NPAS3: variants seen among roughly 807,000 people sequenced by gnomAD.
NPAS3 encodes neuronal PAS domain-containing protein 3.
Under a neutral mutation model 73.1 loss-of-function variants are expected in NPAS3, and 14 were observed. The observed-to-expected ratio is 0.19, with a 90% CI of 0.13 to 0.30. NPAS3 has a LOEUF of 0.30. Ranked by LOEUF, NPAS3 falls within the 10% of genes least tolerant of loss-of-function variation. NPAS3 has a pLI of 1.00. For missense variants in NPAS3, 1,096 were observed against 1,250.0 expected (o/e 0.88, Z 1.86); for synonymous variants, 620 against 541.5 (o/e 1.14, Z -2.01).
chr14:33,377,328 A>G (rs894764819), intron 4 of NPAS3, among the ~76,000 whole-genome samples: 2 of 152,230 alleles, frequency 1.3e-5, no homozygotes, highest in Non-Finnish European at 2.9e-5. Flanking sequence ...TACTCTCCTT[A>G]TCTTATTACG....
intron 3 of NPAS3, among the ~76,000 whole-genome samples, chr14:33,276,561 C>G (rs1594577895): frequency 6.6e-6 from 1 of 151,934 alleles, no homozygotes; most frequent in African/African-American, 2.4e-5. Context: ...GGGATAAATC[C>G]CAAGTTTACC....
chr14:33,722,162 G>A lies in NPAS3; in HGVS notation c.734-13052G>A, dbSNP rs552511154. On this transcript the variant is annotated intron_variant, in intron 6 of 11. Coordinates refer to ENST00000356141, the Ensembl canonical transcript of NPAS3. ...CCCAGAAGCCATCCAACATAACATC[G>A]AAGTGTTCATGGTAAAAACATCAAG... Among the ~76,000 whole-genome samples the A allele has an allele frequency of 8.5e-5, 13 of 152,226 alleles. No individual in the cohort carries two copies. In the South Asian group the frequency reaches 2.1e-3, roughly 24 times the overall value.
intron 2 of NPAS3, among the ~76,000 whole-genome samples, chr14:33,103,448 T>C (rs2042635146): frequency 6.6e-6 from 1 of 152,206 alleles, no homozygotes; most frequent in African/African-American, 2.4e-5. Context: ...TGAGCTGAAT[T>C]TATTCTACAT....
At chr14:33,209,546 C>T (rs2046954121) in intron 2 of NPAS3, among the ~76,000 whole-genome samples, 1 of 152,208 alleles carries the variant, frequency 6.6e-6, no homozygotes, top group African/African-American at 2.4e-5. Flanking sequence ...TTCAAAGGTT[C>T]ATGAGTTAAA....
At chr14:33,715,904 A>G (rs933809971) in intron 6 of NPAS3, among the ~76,000 whole-genome samples, 4 of 152,098 alleles carry the variant, frequency 2.6e-5, no homozygotes, top group African/African-American at 9.7e-5. Flanking sequence ...TCCACTGTGC[A>G]TGTTCTTTTG....
At chr14:33,539,440 A>G (rs1036007563) in intron 4 of NPAS3, among the ~76,000 whole-genome samples, 18 of 152,104 alleles carry the variant, frequency 1.2e-4, no homozygotes, top group African/African-American at 2.9e-4. Flanking sequence ...GTCTTAGACA[A>G]GTTACATTTA....
intron 3 of NPAS3, among the ~76,000 whole-genome samples, chr14:33,307,598 T>TGTGTGTGTGTGTGTGTGTG (rs2042807846): frequency 6.6e-6 from 1 of 151,526 alleles, no homozygotes. Context: ...TTTCAATGTG[T>TGTGTGTGTGTGTGTGTGTG]GTGTGTGTGT....
intron 2 of NPAS3, among the ~76,000 whole-genome samples, chr14:33,179,970 T>C (rs1420561134): frequency 1.3e-5 from 2 of 152,216 alleles, no homozygotes; most frequent in Non-Finnish European, 2.9e-5. Context: ...CGATAAGATA[T>C]TCTGCCAAGC....
chr14:32,984,218 G>A (rs17099805), intron 1 of NPAS3, among the ~76,000 whole-genome samples: 28,001 of 152,128 alleles, frequency 0.18, 3,278 homozygotes, highest in African/African-American at 0.33. Flanking sequence ...ATTTTGTTTG[G>A]TTTTAATCCC....
Position 32,946,153 on chromosome 14 carries a change from C to T in NPAS3, c.50+6787C>T, listed in dbSNP as rs17099733. 3.1e-3 allele frequency among the ~76,000 whole-genome samples: 474 copies of T among 152,274 alleles called. 14 individuals are homozygous for T. The East Asian group carries it at 0.085, about 27-fold the overall frequency. The stretch of plus-strand genomic sequence containing the variant: ...GTAAGGATTTGTACAAGTTGGCCTC[C>T]TGCCAAATTATCTGGCATTATAATA... On this transcript the variant is annotated intron_variant, in intron 1 of 11. Transcript: ENST00000356141.
chr14:33,336,360 T>G (rs925944034), intron 3 of NPAS3, among the ~76,000 whole-genome samples: 6 of 152,188 alleles, frequency 3.9e-5, no homozygotes, highest in African/African-American at 1.4e-4. Context: ...CACTGGTTGT[T>G]GACAGAAATC....
intron 4 of NPAS3, among the ~76,000 whole-genome samples, chr14:33,481,496 T>G (rs1043960423): frequency 2.6e-5 from 4 of 152,206 alleles, no homozygotes; most frequent in African/African-American, 9.6e-5. Flanking sequence ...TTCACTTTCT[T>G]CACCTCTCTA....
chr14:33,583,951 G>A (rs2139897868), intron 5 of NPAS3, among the ~76,000 whole-genome samples: 1 of 152,288 alleles, frequency 6.6e-6, no homozygotes, highest in South Asian at 2.1e-4. Flanking sequence ...ACTGTAGGGA[G>A]CCAATGAATT....
intron 2 of NPAS3, among the ~76,000 whole-genome samples, chr14:33,206,940 C>A (rs892186406): frequency 6.6e-6 from 1 of 152,082 alleles, no homozygotes; most frequent in African/African-American, 2.4e-5. Context: ...TGTGGACTTT[C>A]CTCTCAATGT....
At chr14:33,092,574 C>T (rs964787768) in intron 2 of NPAS3, among the ~76,000 whole-genome samples, 1 of 152,180 alleles carries the variant, frequency 6.6e-6, no homozygotes, top group Non-Finnish European at 1.5e-5. Flanking sequence ...ATGCCATCCC[C>T]ATCAAGCTAC....
intron 3 of NPAS3, among the ~76,000 whole-genome samples, chr14:33,279,114 T>C (rs2041471250): frequency 6.6e-6 from 1 of 152,150 alleles, no homozygotes; most frequent in African/African-American, 2.4e-5. Flanking sequence ...ACCCTCAGGG[T>C]TGCTGATTCA....
chr14:33,117,370 G>A (rs1461644900), intron 2 of NPAS3, among the ~76,000 whole-genome samples: 1 of 152,086 alleles, frequency 6.6e-6, no homozygotes, highest in Non-Finnish European at 1.5e-5. Flanking sequence ...AAGCATACCT[G>A]AGGACTCTGC....
At chr14:32,986,932 G>A (rs1022210894) in intron 1 of NPAS3, among the ~76,000 whole-genome samples, 2 of 152,126 alleles carry the variant, frequency 1.3e-5, no homozygotes, top group African/African-American at 2.4e-5. Context: ...CTTTTCTGTG[G>A]CGCTGCCCCG....
At chr14:33,018,255 C>T (rs1273689727) in intron 1 of NPAS3, among the ~76,000 whole-genome samples, 2 of 152,134 alleles carry the variant, frequency 1.3e-5, no homozygotes, top group Non-Finnish European at 2.9e-5. Flanking sequence ...TGAAGGGTGT[C>T]ATTTGGAAGA....
Sources: allele counts gnomAD v4.1 joint callset (sites outside exome capture counted in the v4.1 genomes callset), GRCh38; gene constraint gnomAD v4.1.1; transcripts MANE v1.5; gene names NCBI Gene and HGNC (gene_info 2026-07-23, HGNC 2026-07-21).